The following NOX3 variants were observed in gnomAD, a reference collection of about 807,000 sequenced individuals.
NOX3 encodes the protein NADPH oxidase 3.
A neutral mutation model predicts 76.7 loss-of-function variants in NOX3; 74 were observed. The observed-to-expected ratio is 0.96, with a 90% CI of 0.80 to 1.17. The LOEUF (loss-of-function observed/expected upper bound fraction) is 1.17, where lower values mean the gene tolerates loss of function less well. Ranked by LOEUF, NOX3 falls within the 50% of genes most tolerant of loss-of-function variation. The pLI is 0.00. For missense variants in NOX3, 695 were observed against 703.3 expected (o/e 0.99, Z 0.13); for synonymous variants, 263 against 261.1 (o/e 1.01, Z -0.07).
At chr6:155,411,151 T>C in intron 11 of NOX3, 63 bp downstream of exon 11, 1 of 1,419,200 alleles carries the variant, frequency 7.0e-7, no homozygotes, top group Non-Finnish European at 9.7e-7. Flanking sequence ...ATTATTGAAA[T>C]TGTTCCTCAT....
chr6:155,400,326 T>A (rs1779206054), intron 12 of NOX3, among the ~76,000 whole-genome samples: 1 of 152,248 alleles, frequency 6.6e-6, no homozygotes, highest in Non-Finnish European at 1.5e-5. Context: ...TTTTTATGTG[T>A]TGGCTTTTAT....
intron 12 of NOX3, among the ~76,000 whole-genome samples, chr6:155,405,456 T>C (rs1007444874): frequency 2.6e-5 from 4 of 152,204 alleles, no homozygotes; most frequent in African/African-American, 9.7e-5. Context: ...TCATCCAGTT[T>C]CACGGCTCCA....
chr6:155,417,886 C>T (rs1776640417), intron 10 of NOX3, among the ~76,000 whole-genome samples: 1 of 151,956 alleles, frequency 6.6e-6, no homozygotes, highest in South Asian at 2.1e-4. Context: ...GGTTAAGAAC[C>T]CAAAGGCCAT....
In NOX3 at chr6:155,443,438, C is replaced by A; in HGVS notation, c.341-20G>T. 6.2e-7 allele frequency: 1 copy of A among 1,612,090 alleles called. No individual in the cohort carries two copies. The highest frequency in any genetic ancestry group is 8.5e-7 in the Non-Finnish European group (1 of 1,178,858). Reference sequence around the variant, plus strand: ...GGATGGCTAGGACAAGGAGATGACACCAAACATGCACCCTGTGGCTTGCTT... The same window carrying A: ...GGATGGCTAGGACAAGGAGATGACAACAAACATGCACCCTGTGGCTTGCTT... On this transcript the variant is annotated intron_variant, in intron 4 of 13. Coordinates refer to ENST00000159060, the MANE Select transcript of NOX3 (RefSeq NM_015718.3).
chr6:155,408,936 C>T (rs1025377557), intron 11 of NOX3, among the ~76,000 whole-genome samples: 1 of 146,710 alleles, frequency 6.8e-6, no homozygotes, highest in African/African-American at 2.6e-5. Context: ...GAATAACAGG[C>T]ACTGGGGGCT....
At chr6:155,443,476 C>T (rs1777022057) in intron 4 of NOX3, 58 bp from the exon 5 acceptor site, 2 of 1,565,800 alleles carry the variant, frequency 1.3e-6, no homozygotes, top group Non-Finnish European at 1.7e-6. Context: ...TCCCTAGTTA[C>T]TAAAAAATAC....
At chr6:155,448,149 T>G (rs966739608) in intron 4 of NOX3, among the ~76,000 whole-genome samples, 1 of 152,164 alleles carries the variant, frequency 6.6e-6, no homozygotes, top group Non-Finnish European at 1.5e-5. Context: ...TTTTTTCCCA[T>G]CTGTGAAATG....
In NOX3 at chr6:155,396,831, A is replaced by C. The variant is rs202245660; in HGVS notation, c.*5T>G. On this transcript the variant is annotated 3_prime_UTR_variant, in exon 13 of 14. Transcript: ENST00000159060. Reference sequence around the variant, plus strand: ...TACACAATGCCTGGACTTGACCTCCAAAGTCTAGAAGCTCTCCTTGTTGTA... The same window carrying C: ...TACACAATGCCTGGACTTGACCTCCCAAGTCTAGAAGCTCTCCTTGTTGTA... The C allele has an allele frequency of 3.1e-6, 5 of 1,604,908 alleles. No individual in the cohort carries two copies. The African/African-American group carries it at 4.0e-5, about 13-fold the overall frequency.
chr6:155,406,055 G>GGCACA (rs1776453128), intron 12 of NOX3, among the ~76,000 whole-genome samples: 1 of 152,192 alleles, frequency 6.6e-6, no homozygotes, highest in South Asian at 2.1e-4. Context: ...CTTGGCACAT[G>GGCACA]CTCCAGTTGC....
intron 4 of NOX3, among the ~76,000 whole-genome samples, chr6:155,449,957 A>C (rs1418289283): frequency 1.3e-5 from 2 of 152,214 alleles, no homozygotes; most frequent in Admixed American, 6.5e-5. Context: ...TTTTCCTCCC[A>C]AAAGCGCAGT....
chr6:155,428,751 T>C lies in NOX3; in HGVS notation c.1145+43A>G. ...GTTGATACATTAAGATACCTTACTT[T>C]TTATAATACTGCAATTTATACATGA... On this transcript the variant is annotated intron_variant, in intron 9 of 13. Transcript: ENST00000159060. 6 of 1,455,754 alleles carry C rather than the reference T, an allele frequency of 4.1e-6. 1 individual carries two copies. In the South Asian group the frequency reaches 9.9e-5, roughly 24 times the overall value. 90.2% of individuals were successfully genotyped at this position (1,455,754 alleles called of 1,614,324 possible). A position where few individuals can be genotyped will look rare whatever the true frequency, so the allele number is the denominator to read the frequency against.
At chr6:155,415,251 A>G (rs1776609592) in intron 10 of NOX3, among the ~76,000 whole-genome samples, 1 of 152,170 alleles carries the variant, frequency 6.6e-6, no homozygotes, top group Admixed American at 6.5e-5. Context: ...AACTGTGCTA[A>G]ATTTTGATAA....
chr6:155,411,120 T>C, intron 11 of NOX3, 94 bp downstream of exon 11: 1 of 936,600 alleles, frequency 1.1e-6, no homozygotes, highest in Non-Finnish European at 1.5e-6. Flanking sequence ...TCTGTCATGC[T>C]ATCAGAGTGC....
Position 155,411,350 on chromosome 6 carries a change from T to C in NOX3, c.1319A>G (p.Tyr440Cys). Reference sequence around the variant, plus strand: ...AGCTCTTGCATCCCGGCAAATCCAGTAGAAATACACCTGTCAAGAGAGAAG... The same window carrying C: ...AGCTCTTGCATCCCGGCAAATCCAGCAGAAATACACCTGTCAAGAGAGAAG... Reference protein sequence around the residue: ...TPLKLSKVYFYWICRDARAFE... With the variant: ...TPLKLSKVYFCWICRDARAFE... Residue 440 changes from tyrosine to cysteine, a missense_variant, in exon 11 of 14, where the codon TAC becomes TGC. Transcript: ENST00000159060. 1.9e-6 allele frequency: 3 copies of C among 1,613,500 alleles called. No individual in the cohort carries two copies. Among genetic ancestry groups the C allele is most frequent in the South Asian group, 2.2e-5 (2 of 90,918 alleles).
Position 155,403,478 on chromosome 6 carries a change from G to C in NOX3, c.1580+3652C>G, listed in dbSNP as rs146214233. ...ATGATATTAAAAAATTTGGGACTGG[G>C]AAGTATGCTGTAGAGGTTTGATTCA... On this transcript the variant is annotated intron_variant, in intron 12 of 13. Coordinates refer to ENST00000159060, the MANE Select transcript of NOX3 (RefSeq NM_015718.3). 2.8e-3 allele frequency among the ~76,000 whole-genome samples: 421 copies of C among 152,306 alleles called. 3 individuals are homozygous for C. The highest frequency in any genetic ancestry group is 9.5e-3 in the African/African-American group (394 of 41,564).
intron 10 of NOX3, among the ~76,000 whole-genome samples, chr6:155,419,758 A>G (rs1776666075): frequency 6.6e-6 from 1 of 152,168 alleles, no homozygotes; most frequent in South Asian, 2.1e-4. Flanking sequence ...AGGCAAAATT[A>G]AGATTTTGTA....
intron 5 of NOX3, among the ~76,000 whole-genome samples, chr6:155,441,844 C>G (rs1582945213): frequency 6.6e-6 from 1 of 152,200 alleles, no homozygotes; most frequent in East Asian, 1.9e-4. Context: ...AAACAGCAAC[C>G]TCAGTAGGTG....
At chr6:155,439,800 T>C (rs1473349405) in intron 6 of NOX3, among the ~76,000 whole-genome samples, 156 bp downstream of exon 6, 2 of 152,226 alleles carry the variant, frequency 1.3e-5, no homozygotes, top group African/African-American at 4.8e-5. Context: ...TTTTCAGTGT[T>C]ACTGAAAAAG....
At chr6:155,444,105 C>G (rs904394238) in intron 4 of NOX3, among the ~76,000 whole-genome samples, 10 of 152,116 alleles carry the variant, frequency 6.6e-5, no homozygotes, top group Non-Finnish European at 8.8e-5. Context: ...TGTTTTTGTT[C>G]TCTTTCAGCC....
Sources: gnomAD v4.1 joint callset for allele counts (sites outside exome capture counted in the v4.1 genomes callset) on GRCh38, gnomAD v4.1.1 for gene constraint, MANE v1.5 for transcripts, NCBI Gene and HGNC (gene_info 2026-07-23, HGNC 2026-07-21) for gene names.